Variants in SPEF2 observed in about 807,000 individuals in gnomAD.
SPEF2 encodes sperm flagellar and cilia associated 2.
A neutral mutation model predicts 224.6 loss-of-function variants in SPEF2; 187 were observed. The observed-to-expected ratio is 0.83, with a 90% confidence interval of 0.74 to 0.94. The LOEUF (loss-of-function observed/expected upper bound fraction) is 0.94, where lower values mean the gene tolerates loss of function less well. Ranked by LOEUF, SPEF2 falls within the 40% of genes least tolerant of loss-of-function variation. The probability of loss-of-function intolerance (pLI) is 0.00; values close to 1 mark genes in which losing one functional copy is unlikely to be tolerated. For missense variants in SPEF2, 2,170 were observed against 2,135.6 expected (o/e 1.02, Z -0.32); for synonymous variants, 715 against 707.3 (o/e 1.01, Z -0.17).
At chr5:35,803,278 T>C (rs979183888) in intron 34 of SPEF2, among the ~76,000 whole-genome samples, 5 of 152,150 alleles carry the variant, frequency 3.3e-5, no homozygotes, top group African/African-American at 7.2e-5. Context: ...GCTGTTGCCA[T>C]AGCAACAGAC....
chr5:35,725,021 G>A (rs1201411233), intron 20 of SPEF2, among the ~76,000 whole-genome samples: 2 of 152,096 alleles, frequency 1.3e-5, no homozygotes, highest in Non-Finnish European at 2.9e-5. Flanking sequence ...ATAAATTTTA[G>A]GACAGTAAGC....
At chr5:35,771,177 AG>A (rs1561338274) in intron 26 of SPEF2, among the ~76,000 whole-genome samples, 1 of 152,122 alleles carries the variant, frequency 6.6e-6, no homozygotes, top group Admixed American at 6.5e-5. Flanking sequence ...AAAACTCTGT[AG>A]GGGATCAGTT....
chr5:35,735,693 T>C (rs538517165), intron 21 of SPEF2, among the ~76,000 whole-genome samples: 1 of 152,362 alleles, frequency 6.6e-6, no homozygotes, highest in East Asian at 1.9e-4. Context: ...ACAGCAAGAA[T>C]ATACTAAATA....
intron 36 of SPEF2, among the ~76,000 whole-genome samples, chr5:35,813,936 C>T (rs1236631809): frequency 1.3e-5 from 2 of 151,844 alleles, no homozygotes; most frequent in African/African-American, 4.8e-5. Flanking sequence ...TGAAAAATAT[C>T]TGTGATTTAA....
chr5:35,790,730 T>A (rs1755834122), intron 30 of SPEF2: 1 of 163,468 alleles, frequency 6.1e-6, no homozygotes, highest in Non-Finnish European at 1.3e-5. Flanking sequence ...ATACAATTCA[T>A]TATTTTTCCT....
At chr5:35,796,381 G>T (rs1051198893) in intron 33 of SPEF2, among the ~76,000 whole-genome samples, 1 of 152,180 alleles carries the variant, frequency 6.6e-6, no homozygotes, top group Non-Finnish European at 1.5e-5. Flanking sequence ...GCCGAGGCAG[G>T]CTGATCACAA....
chr5:35,704,383 C>T (rs897006580), intron 16 of SPEF2, among the ~76,000 whole-genome samples, 171 bp from the exon 17 acceptor site: 10 of 152,054 alleles, frequency 6.6e-5, no homozygotes, highest in Admixed American at 2.0e-4. Context: ...AGAAAACAAT[C>T]GAATTCTTAT....
At chr5:35,789,802 A>G (rs1755701867) in intron 30 of SPEF2, 1 of 702,238 alleles carries the variant, frequency 1.4e-6, no homozygotes, top group Non-Finnish European at 2.6e-6. Context: ...TGATTATAGA[A>G]TTTGGAGAAA....
chr5:35,627,668 C>T (rs920318908), intron 1 of SPEF2, among the ~76,000 whole-genome samples: 1 of 152,128 alleles, frequency 6.6e-6, no homozygotes, highest in Non-Finnish European at 1.5e-5. Flanking sequence ...GCAGGCATGG[C>T]ACCCAGCAAT....
Position 35,759,674 on chromosome 5 carries a change from C to G in SPEF2, c.3575C>G (p.Pro1192Arg). ...VEDNKRFTRI[P>R]LVQLDSKDNS... is the part of the protein sequence containing the mutation. ...GACAACAAGAGATTTACTCGAATCC[C>G]TTTGGTCCAACTGGATAGTAAAGAC... The change falls in exon 25 of 37, where the codon CCT (proline) becomes CGT (arginine). Residue 1192 changes from proline to arginine, a missense_variant. Transcript: ENST00000356031. 1 of 1,608,156 alleles carries G rather than the reference C, an allele frequency of 6.2e-7. No homozygotes were observed. The highest frequency in any genetic ancestry group is 8.5e-7 in the Non-Finnish European group (1 of 1,176,010).
chr5:35,781,112 G>A (rs1754279750), intron 30 of SPEF2, among the ~76,000 whole-genome samples: 1 of 151,746 alleles, frequency 6.6e-6, no homozygotes, highest in African/African-American at 2.4e-5. Context: ...GGGAGAGGAA[G>A]TAAAGGAAGG....
intron 8 of SPEF2, among the ~76,000 whole-genome samples, chr5:35,661,300 T>TATATATA (rs1749707603): frequency 8.5e-6 from 1 of 117,598 alleles, no homozygotes; most frequent in Admixed American, 8.5e-5. Context: ...ATATATATAT[T>TATATATA]ATACACACAT....
chr5:35,670,083 T>A lies in SPEF2; in HGVS notation c.1380T>A (p.His460Gln), dbSNP rs201164035. The stretch of plus-strand genomic sequence containing the variant: ...GTCTGATTCCGTATAAGTTGATGCA[T>A]GATTGGAAGGAACTATTTTTTAATG... ...TNNLIPYKLM[H>Q]DWKELFFNAK... is the part of the protein sequence containing the mutation. The change falls in exon 10 of 37, where the codon CAT becomes CAA. Residue 460 changes from histidine (H) to glutamine (Q), a missense_variant. By Grantham distance (24) the His-to-Gln change is conservative. Transcript: ENST00000356031. 5 of 1,608,162 alleles carry A rather than the reference T, an allele frequency of 3.1e-6. No homozygotes were observed. The East Asian group carries it at 1.1e-4, about 36-fold the overall frequency.
intron 1 of SPEF2, among the ~76,000 whole-genome samples, chr5:35,628,024 A>G (rs191298185): frequency 2.6e-5 from 4 of 152,298 alleles, no homozygotes; most frequent in Admixed American, 2.0e-4. Flanking sequence ...TGCAGGTTAA[A>G]ATGAGGTATT....
At chr5:35,677,491 A>C (rs1397624865) in intron 10 of SPEF2, among the ~76,000 whole-genome samples, 1 of 152,116 alleles carries the variant, frequency 6.6e-6, no homozygotes, top group Non-Finnish European at 1.5e-5. Context: ...CAATGCAGTG[A>C]CCTTAGAGTC....
chr5:35,774,284 G>C (rs540936499), intron 28 of SPEF2, among the ~76,000 whole-genome samples: 7 of 152,142 alleles, frequency 4.6e-5, no homozygotes, highest in Non-Finnish European at 1.0e-4. Flanking sequence ...AAAGAATTTG[G>C]TAATGGGTTA....
chr5:35,788,173 C>G, intron 30 of SPEF2: 1 of 702,930 alleles, frequency 1.4e-6, no homozygotes, highest in Non-Finnish European at 2.6e-6. Context: ...CAACAAGTAG[C>G]TCTCCAGTGA....
At chr5:35,724,408 A>G (rs7714298) in intron 20 of SPEF2, among the ~76,000 whole-genome samples, 1 of 152,156 alleles carries the variant, frequency 6.6e-6, no homozygotes, top group Non-Finnish European at 1.5e-5. Flanking sequence ...TTTTCCAAAA[A>G]GAAAATTGGT....
chr5:35,691,190 G>GT lies in SPEF2; in HGVS notation c.1680dup (p.Lys561Ter). 1 of 1,614,000 alleles carries GT rather than the reference G, an allele frequency of 6.2e-7. No homozygotes were observed. Among genetic ancestry groups the GT allele is most frequent in the Non-Finnish European group, 8.5e-7 (1 of 1,179,970 alleles). Reference sequence around the variant, plus strand: ...AACACCTGAATTACCTTCATTTGCTGTTAAAGGATGCTTATTGGGGAAAAC... The same window carrying GT: ...AACACCTGAATTACCTTCATTTGCTGTTTAAAGGATGCTTATTGGGGAAAAC... On this transcript the variant is annotated frameshift_variant, in exon 11 of 37. Transcript: ENST00000356031. LOFTEE classifies it high-confidence loss of function.
Sources: gnomAD v4.1 joint callset for allele counts (sites outside exome capture counted in the v4.1 genomes callset) on GRCh38, gnomAD v4.1.1 for gene constraint, MANE v1.5 for transcripts, NCBI Gene and HGNC (gene_info 2026-07-23, HGNC 2026-07-21) for gene names.